ACSS3: variants seen among roughly 807,000 people sequenced by gnomAD.
ACSS3 encodes the protein acyl-CoA synthetase short-chain family member 3, mitochondrial.
In ACSS3, 64 loss-of-function variants were observed where a neutral mutation model predicts 84.2. The ratio of observed to expected loss-of-function variants is 0.76; its 90% CI spans 0.62 to 0.94. The LOEUF is 0.94. Among genes scored for constraint, ACSS3 ranks in the 40% least tolerant of loss-of-function variants. The pLI, the probability that ACSS3 is intolerant of heterozygous loss-of-function variation, is 0.00. For missense variants in ACSS3, 815 were observed against 867.6 expected, an observed-to-expected ratio of 0.94 and a Z score of 0.76; for synonymous variants, 317 against 310.1, an observed-to-expected ratio of 1.02 and a Z score of -0.23.
At chr12:81,140,733 T>C (rs1280182338) in intron 4 of ACSS3, among the ~76,000 whole-genome samples, 2 of 152,154 alleles carry the variant, frequency 1.3e-5, no homozygotes, top group African/African-American at 4.8e-5. Context: ...AAATCAGTAA[T>C]ATAGAAGGCT....
chr12:81,253,252 A>C, intron 13 of ACSS3, 55 bp from the exon 14 acceptor site: 1 of 1,464,642 alleles, frequency 6.8e-7, no homozygotes, highest in Non-Finnish European at 9.6e-7. Flanking sequence ...TATATGTTGA[A>C]TATACATATA....
rs1250473153 is a variant in ACSS3 at position 81,256,214 on chromosome 12, T to C, written c.*1292T>C. 1 of 152,164 alleles carries C rather than the reference T, an allele frequency of 6.6e-6. No individual in the cohort carries two copies. Among genetic ancestry groups the C allele is most frequent in the African/African-American group, 2.4e-5 (1 of 41,448 alleles). 9.4% of individuals were successfully genotyped at this position (152,164 alleles called of 1,614,324 possible). On this transcript the variant is annotated 3_prime_UTR_variant, in exon 16 of 16. Transcript: ENST00000548058. Reference sequence around the variant, plus strand: ...TGGCCCAAAAAGGAGGCAGGTCTCCTGTTGCAAGAGCCTCTGTTTTTTTAA... The same window carrying C: ...TGGCCCAAAAAGGAGGCAGGTCTCCCGTTGCAAGAGCCTCTGTTTTTTTAA...
intron 9 of ACSS3, among the ~76,000 whole-genome samples, chr12:81,215,960 C>T (rs889083923): frequency 1.3e-5 from 2 of 152,044 alleles, no homozygotes; most frequent in African/African-American, 4.8e-5. Flanking sequence ...ATGAAATAGT[C>T]AGCAGAGTAT....
At chr12:81,094,105 G>A (rs2121352337) in intron 1 of ACSS3, among the ~76,000 whole-genome samples, 1 of 151,146 alleles carries the variant, frequency 6.6e-6, no homozygotes, top group Middle Eastern at 3.4e-3. Flanking sequence ...TTATAAATCG[G>A]CAGATAGACT....
intron 1 of ACSS3, chr12:81,094,474 T>G (rs1007090863): frequency 6.6e-6 from 1 of 152,196 alleles, no homozygotes; most frequent in Non-Finnish European, 1.5e-5. Context: ...TCTCTCCCAA[T>G]TACATGGTAT....
chr12:81,244,343 A>ATT (rs538993754), intron 13 of ACSS3, among the ~76,000 whole-genome samples: 1 of 145,880 alleles, frequency 6.9e-6, no homozygotes, highest in South Asian at 2.2e-4. Flanking sequence ...TACATGTAGG[A>ATT]TTTTTTTTTT....
chr12:81,150,308 T>C (rs922627515), intron 5 of ACSS3, among the ~76,000 whole-genome samples: 2 of 152,216 alleles, frequency 1.3e-5, no homozygotes, highest in African/African-American at 4.8e-5. Flanking sequence ...TCATAACACA[T>C]GGACAGCATA....
chr12:81,148,452 A>C lies in ACSS3; in HGVS notation c.922-3392A>C, dbSNP rs140954809. Among the ~76,000 whole-genome samples the C allele has an allele frequency of 5.9e-5, 9 of 152,342 alleles. No homozygotes were observed. The East Asian group carries it at 1.7e-3, about 29-fold the overall frequency. ...TTGTGGTCCTATTTCTGAGTAACTA[A>C]CATTCACCCTTTACTTTTACTTGCA... is the stretch of plus-strand genomic sequence containing the variant. On this transcript the variant is annotated intron_variant, in intron 5 of 15. Transcript: ENST00000548058.
intron 9 of ACSS3, among the ~76,000 whole-genome samples, chr12:81,210,633 C>T (rs565873323): frequency 7.9e-5 from 12 of 152,146 alleles, no homozygotes; most frequent in Non-Finnish European, 1.8e-4. Flanking sequence ...TTTTACATTA[C>T]CCATCTCTTT....
intron 5 of ACSS3, among the ~76,000 whole-genome samples, chr12:81,150,582 CTGCA>C (rs771724577): frequency 6.6e-6 from 1 of 152,190 alleles, no homozygotes; most frequent in Non-Finnish European, 1.5e-5. Flanking sequence ...ACAGGGCCAG[CTGCA>C]TGCTAACCAT....
chr12:81,242,156 T>C (rs1259823260), intron 13 of ACSS3, among the ~76,000 whole-genome samples: 2 of 151,670 alleles, frequency 1.3e-5, no homozygotes, highest in Non-Finnish European at 1.5e-5. Context: ...GTAGATGCAA[T>C]AAAAAATGAT....
intron 1 of ACSS3, among the ~76,000 whole-genome samples, chr12:81,088,484 A>G (rs1162701223): frequency 6.6e-6 from 1 of 152,090 alleles, no homozygotes; most frequent in East Asian, 1.9e-4. Flanking sequence ...AACAGCTGTT[A>G]TGAAAACAGC....
At chr12:81,179,365 A>G (rs569823410) in intron 8 of ACSS3, among the ~76,000 whole-genome samples, 8 of 151,976 alleles carry the variant, frequency 5.3e-5, no homozygotes, top group African/African-American at 1.9e-4. Context: ...CAGGACAGCA[A>G]AAGAAACTAT....
chr12:81,157,694 C>T (rs993643329), intron 7 of ACSS3, among the ~76,000 whole-genome samples: 1 of 152,032 alleles, frequency 6.6e-6, no homozygotes, highest in East Asian at 1.9e-4. Flanking sequence ...ATAGTCCCAG[C>T]TACTCGGGAG....
chr12:81,251,366 AC>A (rs1340058567), intron 13 of ACSS3, among the ~76,000 whole-genome samples: 1 of 152,128 alleles, frequency 6.6e-6, no homozygotes, highest in East Asian at 1.9e-4. Context: ...AGTAATGTAA[AC>A]TATGAACTAG....
chr12:81,102,424 A>C (rs1593043985), intron 1 of ACSS3, among the ~76,000 whole-genome samples: 1 of 152,250 alleles, frequency 6.6e-6, no homozygotes, highest in African/African-American at 2.4e-5. Context: ...GTGCATGTGC[A>C]TGGGCGCAGG....
At chr12:81,249,954 T>C (rs1263552984) in intron 13 of ACSS3, among the ~76,000 whole-genome samples, 1 of 152,048 alleles carries the variant, frequency 6.6e-6, no homozygotes, top group Admixed American at 6.6e-5. Context: ...CTATGCAAAA[T>C]TGGCAATACC....
intron 1 of ACSS3, among the ~76,000 whole-genome samples, chr12:81,104,465 C>T (rs1193450228): frequency 6.6e-6 from 1 of 152,052 alleles, no homozygotes; most frequent in African/African-American, 2.4e-5. Context: ...CTGCTCTTGC[C>T]AAGGTGTAGC....
At chr12:81,122,642 GGTAGATTCT>G (rs1884728638) in intron 2 of ACSS3, among the ~76,000 whole-genome samples, 1 of 152,060 alleles carries the variant, frequency 6.6e-6, no homozygotes, top group South Asian at 2.1e-4. Flanking sequence ...AATATAGTGT[GGTAGATTCT>G]GTACCTTTTC....
Sources: gnomAD v4.1 joint callset for allele counts (sites outside exome capture counted in the v4.1 genomes callset) on GRCh38, gnomAD v4.1.1 for gene constraint, MANE v1.5 for transcripts, NCBI Gene and HGNC (gene_info 2026-07-23, HGNC 2026-07-21) for gene names.